Variants in ELP4 observed in about 807,000 individuals in gnomAD.
ELP4 encodes elongator acetyltransferase complex subunit 4.
Under a neutral mutation model 48.9 loss-of-function variants are expected in ELP4, and 51 were observed. That is an observed-to-expected ratio of 1.04 (90% CI 0.83 to 1.32). The LOEUF is 1.32. ELP4 is among the 40% of genes most tolerant of loss of function. The pLI, the probability that ELP4 is intolerant of heterozygous loss-of-function variation, is 0.00. For missense variants in ELP4, 519 were observed against 514.6 expected (o/e 1.01, Z -0.08); for synonymous variants, 210 against 189.2 (o/e 1.11, Z -0.90).
chr11:31,567,032 ATTTAT>A (rs1338101409), intron 3 of ELP4, among the ~76,000 whole-genome samples: 2 of 127,788 alleles, frequency 1.6e-5, no homozygotes, highest in African/African-American at 7.8e-5. Flanking sequence ...GTACTTCTTT[ATTTAT>A]TTTTTTTTTC....
chr11:31,783,491 G>T lies in ELP4; in HGVS notation c.1242G>T (p.Met414Ile), dbSNP rs756730505. The change falls in exon 10 of 10, where the codon ATG (methionine) becomes ATT (isoleucine). Residue 414 changes from methionine to isoleucine, a missense_variant. Met to Ile is a conservative substitution (Grantham distance 10). Coordinates refer to ENST00000640961, the MANE Select transcript of ELP4 (RefSeq NM_019040.5). ...AGCGGCTGGGCCCAGGCTGTGGCAT[G>T]ATGGCCGGAGGCAAGAAGCACCTGG... ...SAKRLGPGCG[M>I]MAGGKKHLDF 1.2e-6 allele frequency: 2 copies of T among 1,614,134 alleles called. No homozygotes were observed. The highest frequency in any genetic ancestry group is 1.7e-6 in the Non-Finnish European group (2 of 1,179,976).
intron 9 of ELP4, among the ~76,000 whole-genome samples, chr11:31,749,437 T>A (rs1947669599): frequency 6.6e-6 from 1 of 152,180 alleles, no homozygotes; most frequent in South Asian, 2.1e-4. Flanking sequence ...CCCTATACAG[T>A]CACACTGACT....
intron 9 of ELP4, among the ~76,000 whole-genome samples, chr11:31,731,936 A>G (rs1430345933): frequency 1.3e-5 from 2 of 152,194 alleles, no homozygotes; most frequent in African/African-American, 4.8e-5. Flanking sequence ...AAAATTGCCA[A>G]CAAAGAATAG....
intron 9 of ELP4, chr11:31,651,354 A>G (rs1945314576): frequency 6.6e-6 from 1 of 151,722 alleles, no homozygotes; most frequent in African/African-American, 2.4e-5. Context: ...TCCTATTGAG[A>G]GCAGTTAATA....
Position 31,558,367 on chromosome 11 carries a change from A to G in ELP4, c.381+18584A>G, listed in dbSNP as rs1335594708. 2.6e-5 allele frequency among the ~76,000 whole-genome samples: 4 copies of G among 152,316 alleles called. No homozygotes were observed. In the East Asian group the frequency reaches 7.7e-4, roughly 29 times the overall value. On this transcript the variant is annotated intron_variant, in intron 3 of 9. Transcript: ENST00000640961. Reference sequence around the variant, plus strand: ...GGATAAGATAAAAATTAAAATGTACAGGAGAATAAACCGACTCTCCAACTC... The same window carrying G: ...GGATAAGATAAAAATTAAAATGTACGGGAGAATAAACCGACTCTCCAACTC...
intron 9 of ELP4, among the ~76,000 whole-genome samples, chr11:31,781,688 G>A (rs969240853): frequency 2.6e-5 from 4 of 151,472 alleles, no homozygotes; most frequent in East Asian, 1.9e-4. Context: ...TAGTAGAGAC[G>A]GGATTTCACC....
chr11:31,546,843 G>T (rs1401434200), intron 3 of ELP4, among the ~76,000 whole-genome samples: 1 of 152,028 alleles, frequency 6.6e-6, no homozygotes, highest in Non-Finnish European at 1.5e-5. Flanking sequence ...ACTCAAAACC[G>T]CTCAACTGTA....
chr11:31,706,162 T>G (rs1344075180), intron 9 of ELP4, among the ~76,000 whole-genome samples: 2 of 152,190 alleles, frequency 1.3e-5, no homozygotes, highest in Non-Finnish European at 2.9e-5. Flanking sequence ...ATAGGGCACA[T>G]AGTAATGTTT....
At position 31,603,898 on chromosome 11, in the gene ELP4, T is replaced by G. The variant is rs762329767; in HGVS notation, c.644T>G (p.Val215Gly). The G allele has an allele frequency of 9.9e-6, 16 of 1,610,982 alleles. No homozygotes were observed. In the South Asian group the frequency reaches 1.8e-4, roughly 18 times the overall value. Residue 215 changes from valine to glycine, a missense_variant, in exon 5 of 10, where the codon GTA becomes GGA. Val to Gly is a moderately radical substitution (Grantham distance 109). Coordinates refer to ENST00000640961, the MANE Select transcript of ELP4 (RefSeq NM_019040.5). Reference sequence around the variant, plus strand: ...GAGAAAATATCTTCAACTCTCAAAGTAGAACCCTGGTAAGTTAATGACCCA... The same window carrying G: ...GAGAAAATATCTTCAACTCTCAAAGGAGAACCCTGGTAAGTTAATGACCCA... ...LPEKISSTLKVEPCSLTPGYT... is the reference protein window; with the variant it reads ...LPEKISSTLKGEPCSLTPGYT...
chr11:31,518,637 C>T (rs1044220685), intron 1 of ELP4, among the ~76,000 whole-genome samples: 5 of 151,476 alleles, frequency 3.3e-5, no homozygotes, highest in African/African-American at 1.2e-4. Context: ...TGGCTCACAC[C>T]TGTAATCTCA....
chr11:31,545,456 C>T (rs1292484701), intron 3 of ELP4, among the ~76,000 whole-genome samples: 1 of 152,014 alleles, frequency 6.6e-6, no homozygotes, highest in Non-Finnish European at 1.5e-5. Flanking sequence ...AAGAAACAAA[C>T]AAAGCCTCCA....
At chr11:31,703,764 C>T (rs1196026565) in intron 9 of ELP4, among the ~76,000 whole-genome samples, 1 of 152,032 alleles carries the variant, frequency 6.6e-6, no homozygotes, top group Admixed American at 6.6e-5. Flanking sequence ...AAAGTGTTTC[C>T]TGATTGAAAA....
At chr11:31,519,234 C>T (rs1430544881) in intron 1 of ELP4, among the ~76,000 whole-genome samples, 2 of 152,082 alleles carry the variant, frequency 1.3e-5, no homozygotes, top group Non-Finnish European at 2.9e-5. Flanking sequence ...ATATTTAGAG[C>T]ATGTCCAGAC....
At chr11:31,616,637 G>A (rs1022716603) in intron 5 of ELP4, among the ~76,000 whole-genome samples, 5 of 151,970 alleles carry the variant, frequency 3.3e-5, no homozygotes, top group Non-Finnish European at 5.9e-5. Context: ...AAAAGGCAAC[G>A]TAAGAAATGG....
chr11:31,640,256 C>A (rs1020712365), intron 7 of ELP4, among the ~76,000 whole-genome samples: 1 of 151,840 alleles, frequency 6.6e-6, no homozygotes, highest in Admixed American at 6.6e-5. Flanking sequence ...ATTTATTTTA[C>A]AAATAAAATT....
intron 9 of ELP4, among the ~76,000 whole-genome samples, chr11:31,700,809 A>T (rs1946505672): frequency 6.6e-6 from 1 of 152,106 alleles, no homozygotes; most frequent in African/African-American, 2.4e-5. Flanking sequence ...ATGCAACCCA[A>T]TGAGAATATA....
rs1367594217 is a variant in ELP4 at position 31,582,935 on chromosome 11, C to T, written c.382-11835C>T. On this transcript the variant is annotated intron_variant, in intron 3 of 9. Transcript: ENST00000640961. ...TGGAAGGGAAGAGGAAGTCCTTTCACCCCTCTATATGAAGACTTTCAAGAA... is the reference window on the plus strand; with the variant it reads ...TGGAAGGGAAGAGGAAGTCCTTTCATCCCTCTATATGAAGACTTTCAAGAA... Among the ~76,000 whole-genome samples the T allele has an allele frequency of 2.6e-5, 4 of 152,036 alleles. No individual in the cohort carries two copies. The East Asian group carries it at 7.7e-4, about 29-fold the overall frequency.
At chr11:31,688,919 A>G (rs957793787) in intron 9 of ELP4, among the ~76,000 whole-genome samples, 1 of 152,236 alleles carries the variant, frequency 6.6e-6, no homozygotes, top group Non-Finnish European at 1.5e-5. Flanking sequence ...TTGGGAGAAC[A>G]GTAAATTAGA....
intron 9 of ELP4, among the ~76,000 whole-genome samples, chr11:31,683,128 T>A (rs559004799): frequency 5.0e-5 from 7 of 140,126 alleles, no homozygotes; most frequent in Admixed American, 4.3e-4. Flanking sequence ...TTCTTCCTAT[T>A]TTTGTATCCT....
Sources: allele counts gnomAD v4.1 joint callset (sites outside exome capture counted in the v4.1 genomes callset), GRCh38; gene constraint gnomAD v4.1.1; transcripts MANE v1.5; gene names NCBI Gene and HGNC (gene_info 2026-07-23, HGNC 2026-07-21).